The following SH3GL2 variants were observed in gnomAD, a reference collection of about 807,000 sequenced individuals.
The protein encoded by SH3GL2 is endophilin-A1.
Under a neutral mutation model 46.0 loss-of-function variants are expected in SH3GL2, and 24 were observed. That is an observed-to-expected ratio of 0.52 (90% CI 0.38 to 0.73). SH3GL2 has a LOEUF of 0.73. Ranked by LOEUF, SH3GL2 falls within the 30% of genes least tolerant of loss-of-function variation. SH3GL2 has a pLI of 0.00. For synonymous variants in SH3GL2, 196 were observed against 147.1 expected, an observed-to-expected ratio of 1.33 and a Z score of -2.40; for missense variants, 413 against 424.2, an observed-to-expected ratio of 0.97 and a Z score of 0.23.
intron 3 of SH3GL2, among the ~76,000 whole-genome samples, chr9:17,773,485 T>C (rs1321285618): frequency 1.3e-5 from 2 of 152,182 alleles, no homozygotes; most frequent in Admixed American, 6.6e-5. Context: ...TTAATTTTTG[T>C]ATATAGTATT....
At chr9:17,602,071 G>GA (rs1434193054) in intron 1 of SH3GL2, among the ~76,000 whole-genome samples, 1 of 152,136 alleles carries the variant, frequency 6.6e-6, no homozygotes, top group Non-Finnish European at 1.5e-5. Flanking sequence ...CCCACCTTCT[G>GA]AAAACCACAG....
chr9:17,788,025 A>G (rs775546689), intron 5 of SH3GL2, among the ~76,000 whole-genome samples: 1 of 152,194 alleles, frequency 6.6e-6, no homozygotes, highest in Non-Finnish European at 1.5e-5. Context: ...CCAACTAGCC[A>G]CTTTCTAAAA....
chr9:17,580,773 G>A lies in SH3GL2; in HGVS notation c.45+1486G>A, dbSNP rs536035106. ...AGGAATTCTGTGGCAGGACTTCTTC[G>A]ATATTACTAACCTTTTTGATTGCTC... On this transcript the variant is annotated intron_variant, in intron 1 of 8. Transcript: ENST00000380607. 2.0e-5 allele frequency among the ~76,000 whole-genome samples: 3 copies of A among 152,270 alleles called. No homozygotes were observed. The East Asian group carries it at 5.8e-4, about 29-fold the overall frequency.
At chr9:17,672,967 TG>T (rs1371814811) in intron 1 of SH3GL2, among the ~76,000 whole-genome samples, 2 of 152,198 alleles carry the variant, frequency 1.3e-5, no homozygotes. Flanking sequence ...AGAAGACTAC[TG>T]CCTGCTCTGC....
intron 1 of SH3GL2, among the ~76,000 whole-genome samples, chr9:17,711,813 T>G (rs941906913): frequency 2.0e-5 from 3 of 151,832 alleles, no homozygotes; most frequent in Admixed American, 2.0e-4. Context: ...GATGTATGTT[T>G]TCTTTAGGGT....
At chr9:17,653,035 G>T (rs962103622) in intron 1 of SH3GL2, among the ~76,000 whole-genome samples, 2 of 152,006 alleles carry the variant, frequency 1.3e-5, no homozygotes, top group Non-Finnish European at 2.9e-5. Context: ...TTATCCCTCT[G>T]TGACATAATA....
At chr9:17,714,334 G>A (rs950952424) in intron 1 of SH3GL2, among the ~76,000 whole-genome samples, 3 of 151,484 alleles carry the variant, frequency 2.0e-5, no homozygotes, top group African/African-American at 4.8e-5. Flanking sequence ...CTTTTTTATG[G>A]ATGTTTAGAA....
chr9:17,734,072 G>A (rs1471144845), intron 1 of SH3GL2, among the ~76,000 whole-genome samples: 3 of 152,116 alleles, frequency 2.0e-5, no homozygotes, highest in East Asian at 1.9e-4. Context: ...GTCGAGAATT[G>A]CATTTTGAAA....
At chr9:17,717,475 A>C (rs1588269439) in intron 1 of SH3GL2, among the ~76,000 whole-genome samples, 1 of 151,780 alleles carries the variant, frequency 6.6e-6, no homozygotes, top group Non-Finnish European at 1.5e-5. Context: ...CAGAGTAAAA[A>C]CCTTTTGATC....
At chr9:17,750,022 A>G (rs1183249004) in intron 2 of SH3GL2, among the ~76,000 whole-genome samples, 3 of 152,046 alleles carry the variant, frequency 2.0e-5, no homozygotes, top group African/African-American at 4.8e-5. Context: ...CAGTGTGGCA[A>G]TTGTTTTACT....
Position 17,663,936 on chromosome 9 carries a change from C to G in SH3GL2, c.46-83130C>G, listed in dbSNP as rs570258458. ...TTTTTTGTTATGGAGAGAGACACTTCTCTAGTCTCCATTTCTTGGTTACTG... is the reference window on the plus strand; with the variant it reads ...TTTTTTGTTATGGAGAGAGACACTTGTCTAGTCTCCATTTCTTGGTTACTG... On this transcript the variant is annotated intron_variant, in intron 1 of 8. Transcript: ENST00000380607. 2.6e-5 allele frequency among the ~76,000 whole-genome samples: 4 copies of G among 152,176 alleles called. No homozygotes were observed. In the South Asian group the frequency reaches 6.2e-4, roughly 24 times the overall value.
At chr9:17,766,917 G>A (rs563680593) in intron 3 of SH3GL2, among the ~76,000 whole-genome samples, 8 of 152,188 alleles carry the variant, frequency 5.3e-5, no homozygotes, top group Non-Finnish European at 7.4e-5. Context: ...TTTAGAATTA[G>A]GATATATTTA....
intron 1 of SH3GL2, among the ~76,000 whole-genome samples, chr9:17,622,600 AG>A (rs1240750812): frequency 6.6e-6 from 1 of 152,194 alleles, no homozygotes; most frequent in Non-Finnish European, 1.5e-5. Context: ...CCAAAAAAAA[AG>A]TGATACCAAT....
At chr9:17,709,435 C>T (rs1689839117) in intron 1 of SH3GL2, among the ~76,000 whole-genome samples, 1 of 151,860 alleles carries the variant, frequency 6.6e-6, no homozygotes, top group African/African-American at 2.4e-5. Context: ...TGTGATACCC[C>T]TCAGCAGAGA....
At chr9:17,734,822 G>A (rs886940396) in intron 1 of SH3GL2, among the ~76,000 whole-genome samples, 1 of 152,096 alleles carries the variant, frequency 6.6e-6, no homozygotes, top group African/African-American at 2.4e-5. Context: ...AGCCTGGGCA[G>A]TGAAGGCTGT....
chr9:17,581,447 C>T (rs2134531244), intron 1 of SH3GL2, among the ~76,000 whole-genome samples: 1 of 152,292 alleles, frequency 6.6e-6, no homozygotes, highest in East Asian at 1.9e-4. Flanking sequence ...TTTAGTGTAG[C>T]ACACTCTTAG....
intron 2 of SH3GL2, among the ~76,000 whole-genome samples, chr9:17,750,980 A>G (rs1291339702): frequency 6.6e-6 from 1 of 152,160 alleles, no homozygotes; most frequent in African/African-American, 2.4e-5. Context: ...TTCCTAGAAG[A>G]GAGAGGGCGT....
At chr9:17,716,967 G>A (rs1330634060) in intron 1 of SH3GL2, among the ~76,000 whole-genome samples, 1 of 152,092 alleles carries the variant, frequency 6.6e-6, no homozygotes, top group South Asian at 2.1e-4. Context: ...TGGTTGGTTG[G>A]TTTCAGGCAG....
rs545393377 is a variant in SH3GL2 at position 17,673,187 on chromosome 9, C to T, written c.46-73879C>T. On this transcript the variant is annotated intron_variant, in intron 1 of 8. Coordinates refer to ENST00000380607, the MANE Select transcript of SH3GL2 (RefSeq NM_003026.5). The stretch of plus-strand genomic sequence containing the variant: ...TGTTTTTGAGACAGTCTCACTTTGT[C>T]ACCCAGGCTGGAATGCAGTGGTGCG... 1.3e-3 allele frequency among the ~76,000 whole-genome samples: 198 copies of T among 152,140 alleles called. 1 individual carries two copies. The highest frequency in any genetic ancestry group is 2.7e-3 in the Non-Finnish European group (181 of 67,996).
Sources: gnomAD v4.1 joint callset for allele counts (sites outside exome capture counted in the v4.1 genomes callset) on GRCh38, gnomAD v4.1.1 for gene constraint, MANE v1.5 for transcripts, NCBI Gene and HGNC (gene_info 2026-07-23, HGNC 2026-07-21) for gene names.